Variants in ZRANB3 observed in about 807,000 individuals in gnomAD.
The protein encoded by ZRANB3 is DNA annealing helicase and endonuclease ZRANB3.
Under a neutral mutation model 133.8 loss-of-function variants are expected in ZRANB3, and 125 were observed. The observed-to-expected ratio is 0.93, with a 90% CI of 0.81 to 1.08. The LOEUF (loss-of-function observed/expected upper bound fraction) is 1.08. Among genes scored for constraint, ZRANB3 ranks in the 50% least tolerant of loss-of-function variants. The pLI is 0.00. For synonymous variants in ZRANB3, 387 were observed against 432.7 expected (o/e 0.89, Z 1.31); for missense variants, 1,229 against 1,275.5 (o/e 0.96, Z 0.56).
At chr2:135,257,788 T>C (rs554217886) in intron 12 of ZRANB3, among the ~76,000 whole-genome samples, 9 of 152,330 alleles carry the variant, frequency 5.9e-5, no homozygotes, top group African/African-American at 9.6e-5. Flanking sequence ...CATACATTTA[T>C]TGAAGGCCCA....
chr2:135,326,898 CAAAA>C (rs56683794), intron 6 of ZRANB3, among the ~76,000 whole-genome samples: 6,047 of 60,990 alleles, frequency 0.099, 181 homozygotes, highest in African/African-American at 0.17. Context: ...GACTCCATCT[CAAAA>C]AAAAAAAAAA....
At chr2:135,371,633 C>T (rs979224576) in intron 3 of ZRANB3, among the ~76,000 whole-genome samples, 2 of 152,206 alleles carry the variant, frequency 1.3e-5, no homozygotes, top group African/African-American at 2.4e-5. Flanking sequence ...TGCATTTGTA[C>T]TCTGCTAGTG....
chr2:135,515,098 T>C (rs959814831), intron 1 of ZRANB3, among the ~76,000 whole-genome samples: 5 of 152,042 alleles, frequency 3.3e-5, no homozygotes, highest in African/African-American at 9.7e-5. Flanking sequence ...AGAAATCATC[T>C]TTTTTTGTTG....
chr2:135,250,637 G>A (rs749247807), intron 12 of ZRANB3, among the ~76,000 whole-genome samples: 8 of 152,240 alleles, frequency 5.3e-5, no homozygotes, highest in African/African-American at 9.6e-5. Context: ...AGGGGCCGAC[G>A]TACAGCTTGG....
At chr2:135,323,023 T>A (rs1036280386) in intron 6 of ZRANB3, among the ~76,000 whole-genome samples, 2 of 100,210 alleles carry the variant, frequency 2.0e-5, no homozygotes, top group Admixed American at 2.3e-4. Context: ...AAAAAAAAAT[T>A]TTTTTTTTTT....
intron 19 of ZRANB3, among the ~76,000 whole-genome samples, chr2:135,203,185 C>T (rs1693695535): frequency 6.6e-6 from 1 of 152,064 alleles, no homozygotes; most frequent in African/African-American, 2.4e-5. Context: ...CTTAACCTAA[C>T]TCATTTTGAA....
Position 135,197,979 on chromosome 2 carries a change from G to C in ZRANB3, c.*2363C>G, listed in dbSNP as rs1407377390. ...CTGGCCAGAGCCCTTTTTTGTTGTT[G>C]TTTTCTTAGCCTAAACTGTATCTTG... On this transcript the variant is annotated 3_prime_UTR_variant, in exon 21 of 21. Transcript: ENST00000264159. 6.6e-6 allele frequency: 1 copy of C among 152,324 alleles called. No individual in the cohort carries two copies. Among genetic ancestry groups the C allele is most frequent in the Non-Finnish European group, 1.5e-5 (1 of 68,208 alleles). 9.4% of individuals were successfully genotyped at this position (152,324 alleles called of 1,614,324 possible).
chr2:135,204,779 A>T (rs1216971331), intron 19 of ZRANB3, among the ~76,000 whole-genome samples: 2 of 144,048 alleles, frequency 1.4e-5, no homozygotes, highest in Non-Finnish European at 3.0e-5. Context: ...ATATATACTT[A>T]TATATATACA....
chr2:135,265,928 C>T lies in ZRANB3; in HGVS notation c.1387-242G>A, dbSNP rs144177128. Reference sequence around the variant, plus strand: ...AGCATTCTAAAGTAAACCTGAAACACGCCAGGTGCAGTGGCTCATGCCTGT... The same window carrying T: ...AGCATTCTAAAGTAAACCTGAAACATGCCAGGTGCAGTGGCTCATGCCTGT... On this transcript the variant is annotated intron_variant, in intron 11 of 20. Transcript: ENST00000264159. 6.1e-3 allele frequency among the ~76,000 whole-genome samples: 930 copies of T among 152,200 alleles called. 12 individuals are homozygous for T. The highest frequency in any genetic ancestry group is 0.021 in the African/African-American group (877 of 41,528).
chr2:135,327,422 T>C (rs1179508873), intron 6 of ZRANB3, among the ~76,000 whole-genome samples: 2 of 152,024 alleles, frequency 1.3e-5, no homozygotes, highest in Non-Finnish European at 2.9e-5. Flanking sequence ...AATAGCTATA[T>C]AGAAAACCAA....
chr2:135,337,392 A>G (rs182928010), intron 6 of ZRANB3, among the ~76,000 whole-genome samples: 4 of 152,358 alleles, frequency 2.6e-5, no homozygotes, highest in Admixed American at 2.0e-4. Context: ...TACAAAGTCA[A>G]CTTCCCCAGA....
chr2:135,268,405 G>A lies in ZRANB3; in HGVS notation c.1386+557C>T, dbSNP rs987451863. Among the ~76,000 whole-genome samples the A allele has an allele frequency of 9.1e-4, 139 of 152,210 alleles. 1 individual carries two copies. The highest frequency in any genetic ancestry group is 3.2e-3 in the African/African-American group (131 of 41,522). On this transcript the variant is annotated intron_variant, in intron 11 of 20. Coordinates refer to ENST00000264159, the MANE Select transcript of ZRANB3 (RefSeq NM_032143.4). ...TAGTCTCGAACTCCTGACCTCAGGT[G>A]ATCCACCCATCTCGACCTCCCAAAG...
At chr2:135,358,064 G>C (rs1000748949) in intron 3 of ZRANB3, among the ~76,000 whole-genome samples, 9 of 152,118 alleles carry the variant, frequency 5.9e-5, no homozygotes, top group African/African-American at 2.2e-4. Context: ...AGAAGCCAAC[G>C]CAAGATATCT....
At chr2:135,273,079 G>A (rs1374304632) in intron 9 of ZRANB3, among the ~76,000 whole-genome samples, 8 of 151,418 alleles carry the variant, frequency 5.3e-5, no homozygotes, top group African/African-American at 1.5e-4. Context: ...CCAGATACTC[G>A]GGAGGCTGAG....
At chr2:135,445,887 A>G (rs985443984) in intron 2 of ZRANB3, among the ~76,000 whole-genome samples, 8 of 148,784 alleles carry the variant, frequency 5.4e-5, no homozygotes, top group Admixed American at 3.4e-4. Flanking sequence ...AAAAAAAAAA[A>G]AAAAGAAAAG....
rs1468727339 is a variant in ZRANB3 at position 135,453,068 on chromosome 2, G to T, written c.161+51261C>A. On this transcript the variant is annotated intron_variant, in intron 2 of 20. Coordinates refer to ENST00000264159, the MANE Select transcript of ZRANB3 (RefSeq NM_032143.4). ...ATACAGCTTCTGAAATCTAGGCAGG[G>T]ATTCCCAACCTCAATTCTTGATTTC... 2.6e-5 allele frequency among the ~76,000 whole-genome samples: 4 copies of T among 152,244 alleles called. No homozygotes were observed. The East Asian group carries it at 7.7e-4, about 29-fold the overall frequency.
intron 2 of ZRANB3, among the ~76,000 whole-genome samples, chr2:135,423,931 C>T (rs1688966595): frequency 6.6e-6 from 1 of 152,176 alleles, no homozygotes; most frequent in Non-Finnish European, 1.5e-5. Context: ...AACAACCCCA[C>T]AACCTCATTT....
At chr2:135,463,955 T>C (rs1210056448) in intron 2 of ZRANB3, among the ~76,000 whole-genome samples, 1 of 152,198 alleles carries the variant, frequency 6.6e-6, no homozygotes, top group African/African-American at 2.4e-5. Flanking sequence ...CATGAGCTTC[T>C]ACATCTTAAA....
chr2:135,488,082 C>T (rs1003940080), intron 2 of ZRANB3, among the ~76,000 whole-genome samples: 1 of 152,044 alleles, frequency 6.6e-6, no homozygotes, highest in African/African-American at 2.4e-5. Context: ...ATTAACTGAC[C>T]TAATTTCAAT....
Sources: gnomAD v4.1 joint callset for allele counts (sites outside exome capture counted in the v4.1 genomes callset) on GRCh38, gnomAD v4.1.1 for gene constraint, MANE v1.5 for transcripts, NCBI Gene and HGNC (gene_info 2026-07-23, HGNC 2026-07-21) for gene names.